TPD52L1: variants seen among roughly 807,000 people sequenced by gnomAD.
The protein encoded by TPD52L1 is tumor protein D53.
In TPD52L1, 18 loss-of-function variants were observed where a neutral mutation model predicts 28.7. The observed-to-expected ratio is 0.63, with a 90% CI of 0.43 to 0.93. TPD52L1 has a LOEUF of 0.93. Among genes scored for constraint, TPD52L1 ranks in the 40% least tolerant of loss-of-function variants. The probability of loss-of-function intolerance (pLI) is 0.00; values close to 1 mark genes in which losing one functional copy is unlikely to be tolerated. For synonymous variants in TPD52L1, 75 were observed against 88.8 expected (o/e 0.84, Z 0.88); for missense variants, 203 against 254.8 (o/e 0.80, Z 1.39).
chr6:125,211,724 C>T (rs752676498), intron 1 of TPD52L1, among the ~76,000 whole-genome samples: 1 of 152,150 alleles, frequency 6.6e-6, no homozygotes, highest in African/African-American at 2.4e-5. Flanking sequence ...ATACATCTCC[C>T]GTGGTATTGA....
intron 1 of TPD52L1, among the ~76,000 whole-genome samples, chr6:125,202,240 A>G (rs568061463): frequency 6.6e-6 from 1 of 152,344 alleles, no homozygotes; most frequent in African/African-American, 2.4e-5. Context: ...CCTTGAAAAA[A>G]AAAGCTACAT....
chr6:125,222,249 G>T (rs1263266362), intron 2 of TPD52L1, among the ~76,000 whole-genome samples: 3 of 152,156 alleles, frequency 2.0e-5, no homozygotes, highest in Non-Finnish European at 4.4e-5. Flanking sequence ...CTCACTGCTG[G>T]CCTTATGAAG....
At chr6:125,214,638 C>G (rs776577259) in intron 1 of TPD52L1, among the ~76,000 whole-genome samples, 1 of 152,102 alleles carries the variant, frequency 6.6e-6, no homozygotes, top group African/African-American at 2.4e-5. Context: ...ATGCCAAAAT[C>G]CTAAATATTA....
chr6:125,223,708 CAAAAAAAAAA>C (rs11294390), intron 2 of TPD52L1, among the ~76,000 whole-genome samples: 27 of 71,504 alleles, frequency 3.8e-4, no homozygotes, highest in African/African-American at 5.9e-4. Flanking sequence ...GATTCCATCT[CAAAAAAAAAA>C]AAAAAAAAAA....
chr6:125,234,633 A>G (rs953240460), intron 3 of TPD52L1, among the ~76,000 whole-genome samples: 1 of 152,194 alleles, frequency 6.6e-6, no homozygotes, highest in African/African-American at 2.4e-5. Context: ...AATGCTAAAT[A>G]CTATTTCTAT....
chr6:125,246,749 T>C (rs1377679973), intron 3 of TPD52L1, among the ~76,000 whole-genome samples: 1 of 152,032 alleles, frequency 6.6e-6, no homozygotes. Flanking sequence ...CAGTGCCATC[T>C]GGCATCCACA....
At position 125,263,327 on chromosome 6, in the gene TPD52L1, G is replaced by C. The variant is rs959917501; in HGVS notation, c.*365G>C. The C allele has an allele frequency of 2.3e-5, 5 of 219,354 alleles. No individual in the cohort carries two copies. Among genetic ancestry groups the C allele is most frequent in the South Asian group, 7.5e-5 (1 of 13,372 alleles). 13.6% of individuals were successfully genotyped at this position (219,354 alleles called of 1,614,324 possible). ...CTTTATGATGTGCATGTCCTTGAAGGCTGAATGAACAGTCCCTTTCAGTTC... is the reference window on the plus strand; with the variant it reads ...CTTTATGATGTGCATGTCCTTGAAGCCTGAATGAACAGTCCCTTTCAGTTC... On this transcript the variant is annotated 3_prime_UTR_variant, in exon 7 of 7. Transcript: ENST00000534000.
rs780848162 is a variant in TPD52L1 at position 125,257,147 on chromosome 6, A to G, written c.475A>G (p.Thr159Ala). ...SFEERVETTV[T>A]SLKTKVGGTN... The stretch of plus-strand genomic sequence containing the variant: ...TGAGGAGAGGGTTGAGACAACTGTC[A>G]CAAGCCTCAAGGTACAGATGAAGTG... The change falls in exon 6 of 7, where the codon ACA (threonine) becomes GCA (alanine). Residue 159 changes from threonine (T) to alanine (A), a missense_variant. Physicochemically the swap from Thr to Ala is moderately conservative, Grantham distance 58. Coordinates refer to ENST00000534000, the MANE Select transcript of TPD52L1 (RefSeq NM_003287.4). 4.3e-6 allele frequency: 7 copies of G among 1,611,994 alleles called. No individual in the cohort carries two copies. In the East Asian group the frequency reaches 1.6e-4, roughly 36 times the overall value.
intron 3 of TPD52L1, among the ~76,000 whole-genome samples, chr6:125,241,960 A>C (rs904915551): frequency 6.6e-6 from 1 of 151,812 alleles, no homozygotes; most frequent in South Asian, 2.1e-4. Flanking sequence ...TAGTCATTTA[A>C]TGCTATGAAA....
intron 1 of TPD52L1, among the ~76,000 whole-genome samples, chr6:125,218,224 A>G (rs1795008051): frequency 1.3e-5 from 2 of 152,320 alleles, no homozygotes; most frequent in African/African-American, 4.8e-5. Flanking sequence ...AGTATATGAG[A>G]GCTTCTATCT....
intron 6 of TPD52L1, chr6:125,261,553 T>C (rs1158253669): frequency 2.0e-5 from 3 of 152,138 alleles, no homozygotes; most frequent in Non-Finnish European, 4.4e-5. Flanking sequence ...CTAAGCATTT[T>C]GCATCTTGTC....
chr6:125,253,719 A>T lies in TPD52L1; in HGVS notation c.389A>T (p.Tyr130Phe), dbSNP rs1473876614. 6.2e-7 allele frequency: 1 copy of T among 1,612,892 alleles called. No individual in the cohort carries two copies. Among genetic ancestry groups the T allele is most frequent in the Non-Finnish European group, 8.5e-7 (1 of 1,179,638 alleles). Residue 130 changes from tyrosine to phenylalanine, a missense_variant and splice_region_variant, in exon 5 of 7, where the codon TAC becomes TTC. Physicochemically the swap from Tyr to Phe is conservative, Grantham distance 22. Coordinates refer to ENST00000534000, the MANE Select transcript of TPD52L1 (RefSeq NM_003287.4). ...AISKKFGDMS[Y>F]SIRHSISMPA... is the part of the protein sequence containing the mutation. ...TTTAATCTGCTTTTGCTCTGAAGTTACTCCATTCGCCATTCCATAAGTATG... is the reference window on the plus strand; with the variant it reads ...TTTAATCTGCTTTTGCTCTGAAGTTTCTCCATTCGCCATTCCATAAGTATG...
At chr6:125,216,242 C>A (rs996642250) in intron 1 of TPD52L1, among the ~76,000 whole-genome samples, 6 of 152,028 alleles carry the variant, frequency 3.9e-5, no homozygotes, top group Non-Finnish European at 8.8e-5. Flanking sequence ...ACTGGTACAG[C>A]CTCTCTGGGT....
chr6:125,242,020 TCTCA>T (rs941872778), intron 3 of TPD52L1, among the ~76,000 whole-genome samples: 1 of 152,068 alleles, frequency 6.6e-6, no homozygotes, highest in African/African-American at 2.4e-5. Context: ...TGATAAGTTG[TCTCA>T]CTATTATCAT....
intron 1 of TPD52L1, among the ~76,000 whole-genome samples, chr6:125,206,378 T>C (rs1794142285): frequency 6.6e-6 from 1 of 152,178 alleles, no homozygotes; most frequent in South Asian, 2.1e-4. Flanking sequence ...TAGTAATGTA[T>C]ATAATATTTT....
intron 1 of TPD52L1, among the ~76,000 whole-genome samples, chr6:125,156,468 A>C (rs1172532492): frequency 1.8e-5 from 2 of 113,336 alleles, no homozygotes. Flanking sequence ...TGTCTCAAAA[A>C]AAAAAAAAAA....
intron 4 of TPD52L1, among the ~76,000 whole-genome samples, chr6:125,250,771 A>C (rs769679908): frequency 6.6e-5 from 10 of 152,194 alleles, no homozygotes; most frequent in Non-Finnish European, 1.3e-4. Context: ...TGTCTAGTAT[A>C]GTGGATGGCC....
At chr6:125,187,768 G>A (rs564295302) in intron 1 of TPD52L1, among the ~76,000 whole-genome samples, 8 of 152,200 alleles carry the variant, frequency 5.3e-5, no homozygotes, top group African/African-American at 1.9e-4. Context: ...TGTTGTAAAT[G>A]TGTATGTACA....
At chr6:125,244,949 A>G (rs148789893) in intron 3 of TPD52L1, among the ~76,000 whole-genome samples, 1 of 152,240 alleles carries the variant, frequency 6.6e-6, no homozygotes, top group Non-Finnish European at 1.5e-5. Flanking sequence ...TTCCCTTAGA[A>G]ATGGGACATC....
Sources: gnomAD v4.1 joint callset for allele counts (sites outside exome capture counted in the v4.1 genomes callset) on GRCh38, gnomAD v4.1.1 for gene constraint, MANE v1.5 for transcripts, NCBI Gene and HGNC (gene_info 2026-07-23, HGNC 2026-07-21) for gene names.